RB1: variants seen among roughly 807,000 people sequenced by gnomAD.
RB1 encodes RB transcriptional corepressor 1.
RB1 carries 18 observed loss-of-function variants against 135.4 expected under a neutral mutation model. The observed-to-expected ratio is 0.13, with a 90% CI of 0.09 to 0.20. The LOEUF (loss-of-function observed/expected upper bound fraction) is 0.20. Ranked by LOEUF, RB1 falls within the 10% of genes least tolerant of loss-of-function variation. The pLI, the probability that RB1 is intolerant of heterozygous loss-of-function variation, is 1.00. For synonymous variants in RB1, 365 were observed against 373.2 expected, an observed-to-expected ratio of 0.98 and a Z score of 0.25; for missense variants, 868 against 1,110.0, an observed-to-expected ratio of 0.78 and a Z score of 3.10.
intron 17 of RB1, among the ~76,000 whole-genome samples, chr13:48,417,755 C>G (rs1322185399): frequency 6.6e-6 from 1 of 151,674 alleles, no homozygotes; most frequent in Non-Finnish European, 1.5e-5. Context: ...GTATCAACAG[C>G]CAAAGCAGAA....
chr13:48,331,398 G>A (rs1015738522), intron 2 of RB1, among the ~76,000 whole-genome samples: 1 of 152,184 alleles, frequency 6.6e-6, no homozygotes, highest in Admixed American at 6.5e-5. Flanking sequence ...CCTTTAAGAG[G>A]TGATTGAGTC....
Position 48,380,088 on chromosome 13 carries a change from A to T in RB1, c.1421+4A>T, listed in dbSNP as rs2138142383. The T allele has an allele frequency of 7.1e-7, 1 of 1,415,422 alleles. No individual in the cohort carries two copies. Among genetic ancestry groups the T allele is most frequent in the Non-Finnish European group, 9.5e-7 (1 of 1,050,392 alleles). The allele number at this position is 1,415,422 out of a possible 1,614,324, so 87.7% of individuals were successfully genotyped here. ...GATTATCCATTCAAAATTTTAGGTA[A>T]ATTTTTTACTTTTAGTAAAAAATTT... On this transcript the variant is annotated splice_donor_region_variant and intron_variant, in intron 15 of 26. Transcript: ENST00000267163.
intron 19 of RB1, among the ~76,000 whole-genome samples, chr13:48,458,538 T>C (rs544703033): frequency 3.3e-4 from 51 of 152,312 alleles, no homozygotes; most frequent in Admixed American, 2.9e-3. Context: ...CCACATCACC[T>C]GGAAATTGTA....
At position 48,445,953 on chromosome 13, in the gene RB1, G is replaced by T. The variant is rs76362846; in HGVS notation, c.1696-7040G>T. On this transcript the variant is annotated intron_variant, in intron 17 of 26. Transcript: ENST00000267163. ...ATTTAGAGTATATATAACTAAGAAGGTTCCCTTTATTTGTTATTTTTTGGG... is the reference window on the plus strand; with the variant it reads ...ATTTAGAGTATATATAACTAAGAAGTTTCCCTTTATTTGTTATTTTTTGGG... 6.4e-3 allele frequency among the ~76,000 whole-genome samples: 967 copies of T among 152,068 alleles called. 12 individuals carry two copies. The highest frequency in any genetic ancestry group is 0.022 in the African/African-American group (918 of 41,508).
chr13:48,433,527 A>G (rs1949151486), intron 17 of RB1, among the ~76,000 whole-genome samples: 1 of 152,184 alleles, frequency 6.6e-6, no homozygotes, highest in Admixed American at 6.5e-5. Context: ...AATTTCTGCC[A>G]CTAAATAAGT....
intron 17 of RB1, among the ~76,000 whole-genome samples, chr13:48,399,216 G>T (rs2138176982): frequency 6.6e-6 from 1 of 151,998 alleles, no homozygotes; most frequent in South Asian, 2.1e-4. Context: ...TGGACCTGAG[G>T]TTTTTGTTGT....
intron 23 of RB1, among the ~76,000 whole-genome samples, chr13:48,466,621 G>A (rs763472291): frequency 2.0e-5 from 3 of 149,614 alleles, no homozygotes; most frequent in African/African-American, 4.9e-5. Flanking sequence ...AGCTACGGGA[G>A]GACATTCAAA....
At chr13:48,349,109 A>T in intron 6 of RB1, 86 bp downstream of exon 6, 1 of 1,390,598 alleles carries the variant, frequency 7.2e-7, no homozygotes. Flanking sequence ...CCCAATTTTT[A>T]TTGAGTAATG....
chr13:48,358,754 G>A (rs1002402384), intron 6 of RB1, among the ~76,000 whole-genome samples: 1 of 151,996 alleles, frequency 6.6e-6, no homozygotes, highest in African/African-American at 2.4e-5. Flanking sequence ...TGAGGATACC[G>A]TTTGAGTTAG....
chr13:48,307,583 G>A lies in RB1; in HGVS notation c.264+177G>A, dbSNP rs939328484. ...ATTAAAAATGTTTGAGGCCGGGCAC[G>A]GTGGTTCATGCCTGTAATCCTACCA... On this transcript the variant is annotated intron_variant, in intron 2 of 26. Transcript: ENST00000267163. Among the ~76,000 whole-genome samples the A allele has an allele frequency of 2.6e-5, 4 of 151,890 alleles. No homozygotes were observed. The East Asian group carries it at 7.7e-4, about 29-fold the overall frequency.
At chr13:48,414,394 G>A (rs142730064) in intron 17 of RB1, among the ~76,000 whole-genome samples, 1,510 of 150,830 alleles carry the variant, frequency 0.01, 37 homozygotes, top group African/African-American at 0.035. Flanking sequence ...AAAATCAGAA[G>A]AAGAAAGTGT....
intron 23 of RB1, among the ~76,000 whole-genome samples, chr13:48,465,896 C>T (rs1949439344): frequency 6.7e-6 from 1 of 149,402 alleles, no homozygotes; most frequent in African/African-American, 2.4e-5. Context: ...ACACCTGGCT[C>T]AGAGGGTCCT....
chr13:48,479,227 CAAAAA>C (rs879265757), intron 26 of RB1, among the ~76,000 whole-genome samples: 2 of 143,866 alleles, frequency 1.4e-5, no homozygotes, highest in African/African-American at 2.5e-5. Flanking sequence ...GACCTTGTCT[CAAAAA>C]AAAAAAATCC....
intron 8 of RB1, 89 bp downstream of exon 8, chr13:48,363,046 C>A (rs2138113226): frequency 6.7e-7 from 1 of 1,503,380 alleles, no homozygotes; most frequent in Non-Finnish European, 9.1e-7. Flanking sequence ...TTGTTATGAG[C>A]ATGTTTTTTT....
intron 19 of RB1, among the ~76,000 whole-genome samples, chr13:48,458,525 A>C (rs779829325): frequency 3.9e-5 from 6 of 152,182 alleles, no homozygotes; most frequent in Non-Finnish European, 8.8e-5. Context: ...CAACCAGCAG[A>C]ATCCACATCA....
chr13:48,391,463 A>C (rs2138159878), intron 17 of RB1: 1 of 151,880 alleles, frequency 6.6e-6, no homozygotes, highest in African/African-American at 2.4e-5. Flanking sequence ...CTGACTGTAA[A>C]ACTTTTTTTG....
intron 17 of RB1, among the ~76,000 whole-genome samples, chr13:48,451,321 G>C (rs566865308): frequency 6.6e-6 from 1 of 152,206 alleles, no homozygotes; most frequent in South Asian, 2.1e-4. Context: ...AGTTTGTTCA[G>C]AGTTTTTAAC....
intron 17 of RB1, among the ~76,000 whole-genome samples, chr13:48,406,088 A>G (rs1293735329): frequency 1.0e-5 from 1 of 97,600 alleles, no homozygotes; most frequent in African/African-American, 2.8e-5. Flanking sequence ...TATTACCACA[A>G]TAAATAACTC....
intron 10 of RB1, among the ~76,000 whole-genome samples, chr13:48,368,182 T>G (rs1952722543): frequency 6.6e-6 from 1 of 152,174 alleles, no homozygotes; most frequent in Non-Finnish European, 1.5e-5. Flanking sequence ...TTAGAAGGAA[T>G]AATGCATTGA....
Sources: allele counts gnomAD v4.1 joint callset (sites outside exome capture counted in the v4.1 genomes callset), GRCh38; gene constraint gnomAD v4.1.1; transcripts MANE v1.5; gene names NCBI Gene and HGNC (gene_info 2026-07-23, HGNC 2026-07-21).